ABI3BP: variants seen among roughly 807,000 people sequenced by gnomAD.
ABI3BP encodes target of Nesh-SH3.
A neutral mutation model predicts 268.6 loss-of-function variants in ABI3BP; 216 were observed. The ratio of observed to expected loss-of-function variants is 0.80; its 90% CI spans 0.72 to 0.90. ABI3BP has a LOEUF of 0.90. Among genes scored for constraint, ABI3BP ranks in the 40% least tolerant of loss-of-function variants. ABI3BP has a pLI of 0.00. For synonymous variants in ABI3BP, 730 were observed against 730.0 expected, an observed-to-expected ratio of 1.00 and a Z score of 0.00; for missense variants, 2,090 against 2,182.4, an observed-to-expected ratio of 0.96 and a Z score of 0.84.
At chr3:100,894,958 A>AC (rs2046822487) in intron 4 of ABI3BP, among the ~76,000 whole-genome samples, 1 of 144,100 alleles carries the variant, frequency 6.9e-6, no homozygotes, top group Non-Finnish European at 1.5e-5. Context: ...AAAAAAAAAA[A>AC]AAAAAAAAAC....
At chr3:100,860,899 C>T (rs375443733) in intron 14 of ABI3BP, among the ~76,000 whole-genome samples, 2 of 152,248 alleles carry the variant, frequency 1.3e-5, no homozygotes, top group East Asian at 1.9e-4. Context: ...AGGGCTGTCA[C>T]GGTGCAGCAG....
At chr3:100,801,226 C>T (rs1360780359) in intron 51 of ABI3BP, among the ~76,000 whole-genome samples, 2 of 151,758 alleles carry the variant, frequency 1.3e-5, no homozygotes, top group Non-Finnish European at 2.9e-5. Flanking sequence ...ATTGACCTCT[C>T]CCAAAAGTCT....
intron 32 of ABI3BP, 33 bp downstream of exon 32, chr3:100,830,545 A>G (rs1261687281): frequency 6.6e-7 from 1 of 1,520,936 alleles, no homozygotes; most frequent in Non-Finnish European, 8.8e-7. Flanking sequence ...TGAGCAGGAG[A>G]GGCAGATGTT....
chr3:100,923,095 T>C (rs1385368646), intron 2 of ABI3BP, among the ~76,000 whole-genome samples: 1 of 152,152 alleles, frequency 6.6e-6, no homozygotes, highest in Non-Finnish European at 1.5e-5. Flanking sequence ...AAGGAATTAA[T>C]AAAAAGAACA....
intron 1 of ABI3BP, among the ~76,000 whole-genome samples, chr3:100,926,871 T>G (rs1315320546): frequency 6.6e-6 from 1 of 152,160 alleles, no homozygotes; most frequent in Non-Finnish European, 1.5e-5. Flanking sequence ...TATGAGGCTT[T>G]CCAGTGCCAC....
chr3:100,839,508 G>A, intron 24 of ABI3BP, 61 bp downstream of exon 24: 1 of 1,492,796 alleles, frequency 6.7e-7, no homozygotes, highest in Non-Finnish European at 9.0e-7. Context: ...CTGTAATGGA[G>A]AGTGGGGAAA....
chr3:100,950,155 C>A (rs2074305242), intron 1 of ABI3BP, among the ~76,000 whole-genome samples: 1 of 152,130 alleles, frequency 6.6e-6, no homozygotes, highest in African/African-American at 2.4e-5. Context: ...AAAATTCATT[C>A]TATATAGATG....
chr3:100,808,062 A>G lies in ABI3BP; in HGVS notation c.3682+99T>C, dbSNP rs749384057. ...GAGGAAGACTTGTTTTACAAGTGTT[A>G]AAGACTCAATCTGCTATCATAACTA... is the stretch of plus-strand genomic sequence containing the variant. On this transcript the variant is annotated intron_variant, in intron 50 of 67. Coordinates refer to ENST00000471714, the MANE Select transcript of ABI3BP (RefSeq NM_001375547.2). 15 of 1,052,426 alleles carry G rather than the reference A, an allele frequency of 1.4e-5. 1 individual carries two copies. In the Middle Eastern group the frequency reaches 8.7e-4, roughly 61 times the overall value. 65.2% of individuals were successfully genotyped at this position (1,052,426 alleles called of 1,614,324 possible).
chr3:100,886,944 T>C (rs1346983062), intron 4 of ABI3BP, among the ~76,000 whole-genome samples: 1 of 152,014 alleles, frequency 6.6e-6, no homozygotes, highest in Non-Finnish European at 1.5e-5. Flanking sequence ...ATAATATTCA[T>C]ATATACATAA....
chr3:100,909,205 T>C (rs966695067), intron 2 of ABI3BP, among the ~76,000 whole-genome samples: 2 of 152,138 alleles, frequency 1.3e-5, no homozygotes, highest in African/African-American at 4.8e-5. Flanking sequence ...TGGCTAGCCA[T>C]ATGCAGAAAG....
intron 14 of ABI3BP, among the ~76,000 whole-genome samples, chr3:100,858,281 A>G (rs1458246843): frequency 2.0e-5 from 3 of 152,232 alleles, no homozygotes; most frequent in Non-Finnish European, 4.4e-5. Context: ...ACTTTATAGA[A>G]GGTTTAATGC....
chr3:100,818,639 A>G (rs2098123377), intron 40 of ABI3BP, 58 bp from the exon 41 acceptor site: 4 of 1,303,450 alleles, frequency 3.1e-6, no homozygotes, highest in Non-Finnish European at 4.3e-6. Context: ...TCTTTCCATT[A>G]TAATACTGCT....
intron 2 of ABI3BP, among the ~76,000 whole-genome samples, chr3:100,915,317 G>A (rs1365547353): frequency 6.6e-6 from 1 of 152,156 alleles, no homozygotes; most frequent in Non-Finnish European, 1.5e-5. Flanking sequence ...TCTGCACTGG[G>A]ACATACTGTG....
Position 100,770,956 on chromosome 3 carries a change from C to T in ABI3BP, c.4532-4G>A, listed in dbSNP as rs199620649. On this transcript the variant is annotated splice_polypyrimidine_tract_variant and splice_region_variant and intron_variant, in intron 61 of 67. Transcript: ENST00000471714. ...TGGATGTATCGCACATGAGGTCCTA[C>T]GAGAGAGAGGACCCTTGACATTTAA... The T allele has an allele frequency of 4.2e-4, 650 of 1,543,532 alleles. 6 individuals carry two copies. The highest frequency in any genetic ancestry group is 3.9e-3 in the Middle Eastern group (23 of 5,832).
At position 100,875,449 on chromosome 3, in the gene ABI3BP, TA is replaced by T. The variant is rs1260454215; in HGVS notation, c.817+58del. 3.8e-6 allele frequency: 5 copies of T among 1,315,644 alleles called. No homozygotes were observed. In the East Asian group the frequency reaches 1.2e-4, roughly 30 times the overall value. 81.5% of individuals were successfully genotyped at this position (1,315,644 alleles called of 1,614,324 possible). A position where few individuals can be genotyped will look rare whatever the true frequency, so the allele number is the denominator to read the frequency against. On this transcript the variant is annotated intron_variant, in intron 8 of 67. Transcript: ENST00000471714. ...ACACTGCAAAACTCCAGAAAAGCCC[TA>T]TCCTCAAAAGATAGCCCGATTTGCT...
At chr3:100,922,523 C>CAATGGTGATGGTGATGGTGATGGT (rs148231436) in intron 2 of ABI3BP, among the ~76,000 whole-genome samples, 6 of 148,588 alleles carry the variant, frequency 4.0e-5, no homozygotes, top group African/African-American at 1.5e-4. Context: ...TGATGTGATG[C>CAATGGTGATGGTGATGGTGATGGT]GATGGTGATG....
chr3:100,936,799 T>C (rs1401866015), intron 1 of ABI3BP, among the ~76,000 whole-genome samples: 11 of 152,172 alleles, frequency 7.2e-5, no homozygotes, highest in Non-Finnish European at 1.6e-4. Flanking sequence ...TGGTAGTTTT[T>C]ATTTCTGTGG....
At chr3:100,987,505 C>G (rs2092117222) in intron 1 of ABI3BP, among the ~76,000 whole-genome samples, 1 of 152,130 alleles carries the variant, frequency 6.6e-6, no homozygotes, top group Non-Finnish European at 1.5e-5. Flanking sequence ...TTTTAAACCT[C>G]AGGTTCTAAA....
intron 43 of ABI3BP, chr3:100,816,198 T>C (rs1262497353): frequency 2.0e-6 from 1 of 506,350 alleles, no homozygotes; most frequent in East Asian, 3.2e-5. Flanking sequence ...CTTGATATTA[T>C]CCACATGAGG....
Sources: allele counts gnomAD v4.1 joint callset (sites outside exome capture counted in the v4.1 genomes callset), GRCh38; gene constraint gnomAD v4.1.1; transcripts MANE v1.5; gene names NCBI Gene and HGNC (gene_info 2026-07-23, HGNC 2026-07-21).